RGS20: variants seen among roughly 807,000 people sequenced by gnomAD.
RGS20 encodes the protein gz-selective GTPase-activating protein.
A neutral mutation model predicts 33.6 loss-of-function variants in RGS20; 30 were observed. The observed-to-expected ratio is 0.89, with a 90% CI of 0.67 to 1.21. RGS20 has a LOEUF of 1.21. Among genes scored for constraint, RGS20 ranks in the 50% most tolerant of loss-of-function variants. RGS20 has a pLI of 0.00. For missense variants in RGS20, 472 were observed against 502.4 expected (o/e 0.94, Z 0.58); for synonymous variants, 208 against 197.9 (o/e 1.05, Z -0.43).
intron 2 of RGS20, among the ~76,000 whole-genome samples, chr8:53,898,294 G>C (rs1812923029): frequency 6.6e-6 from 1 of 152,150 alleles, no homozygotes; most frequent in African/African-American, 2.4e-5. Flanking sequence ...CCAGACCACT[G>C]TCCTGGTATT....
intron 1 of RGS20, among the ~76,000 whole-genome samples, chr8:53,858,400 C>T (rs991585220): frequency 6.6e-6 from 1 of 151,612 alleles, no homozygotes; most frequent in Non-Finnish European, 1.5e-5. Flanking sequence ...CAGTAAGGCC[C>T]GCAGGAGAGG....
intron 2 of RGS20, among the ~76,000 whole-genome samples, chr8:53,934,757 G>C (rs1814081563): frequency 6.6e-6 from 1 of 152,158 alleles, no homozygotes; most frequent in South Asian, 2.1e-4. Flanking sequence ...GGACCAAGCA[G>C]ACCTAATAGA....
intron 5 of RGS20, among the ~76,000 whole-genome samples, chr8:53,957,254 G>T (rs1489516372): frequency 6.6e-6 from 1 of 152,194 alleles, no homozygotes; most frequent in Non-Finnish European, 1.5e-5. Context: ...GGCCTCCCGA[G>T]TAGCTGGGAT....
At chr8:53,918,398 C>CTTTTTTTTTT (rs370307599) in intron 2 of RGS20, among the ~76,000 whole-genome samples, 6,782 of 149,380 alleles carry the variant, frequency 0.045, 591 homozygotes, top group African/African-American at 0.16. Context: ...TTCTTTCTTC[C>CTTTTTTTTTT]TTTTTTTGAG....
At chr8:53,918,148 A>G (rs1042496037) in intron 2 of RGS20, among the ~76,000 whole-genome samples, 6 of 152,164 alleles carry the variant, frequency 3.9e-5, no homozygotes, top group African/African-American at 1.4e-4. Context: ...AGTTCTTAGC[A>G]CAGTCACAAA....
chr8:53,944,703 A>C (rs2129291157), intron 3 of RGS20, among the ~76,000 whole-genome samples: 1 of 152,284 alleles, frequency 6.6e-6, no homozygotes, highest in East Asian at 1.9e-4. Context: ...GAAGGATATA[A>C]AATTATCATT....
chr8:53,935,254 A>G (rs186305953), intron 2 of RGS20, among the ~76,000 whole-genome samples: 1 of 152,322 alleles, frequency 6.6e-6, no homozygotes, highest in East Asian at 1.9e-4. Flanking sequence ...ACAGATAACT[A>G]AGATCAGAGC....
intron 4 of RGS20, among the ~76,000 whole-genome samples, chr8:53,947,162 A>C (rs973943255): frequency 3.4e-5 from 5 of 146,584 alleles, no homozygotes; most frequent in African/African-American, 7.4e-5. Flanking sequence ...ATATATATTT[A>C]TACACTCTAT....
intron 2 of RGS20, among the ~76,000 whole-genome samples, chr8:53,916,750 CG>C (rs1813494906): frequency 6.6e-6 from 1 of 152,066 alleles, no homozygotes; most frequent in Non-Finnish European, 1.5e-5. Context: ...TTCCATAGGC[CG>C]GGTGGCTCAA....
chr8:53,917,819 T>A (rs1472393889), intron 2 of RGS20, among the ~76,000 whole-genome samples: 1 of 152,146 alleles, frequency 6.6e-6, no homozygotes, highest in Non-Finnish European at 1.5e-5. Flanking sequence ...TGTGCAGCCA[T>A]CATCATAATC....
At chr8:53,913,657 A>C (rs1053144844) in intron 2 of RGS20, 1 of 152,256 alleles carries the variant, frequency 6.6e-6, no homozygotes, top group African/African-American at 2.4e-5. Context: ...CAAAGAAGAC[A>C]GAGATTGGGT....
chr8:53,883,924 C>A (rs1252317276), intron 2 of RGS20, among the ~76,000 whole-genome samples: 3 of 147,680 alleles, frequency 2.0e-5, no homozygotes, highest in African/African-American at 7.6e-5. Context: ...CCAGCCTGGG[C>A]AACAAGAGCA....
At position 53,879,315 on chromosome 8, in the gene RGS20, CT is replaced by C. The variant is rs774197333; in HGVS notation, c.226del (p.Ser76LeufsTer72). 2 of 1,613,530 alleles carry C rather than the reference CT, an allele frequency of 1.2e-6. No individual in the cohort carries two copies. Among genetic ancestry groups the C allele is most frequent in the South Asian group, 2.2e-5 (2 of 91,088 alleles). Reference sequence around the variant, plus strand: ...CGCCGCCCCGAAGCTGTTCGGCCTCCTTTCTAGCCCGCTTTCCAGCCTCGCA... The same window carrying C: ...CGCCGCCCCGAAGCTGTTCGGCCTCCTTCTAGCCCGCTTTCCAGCCTCGCA... On this transcript the variant is annotated frameshift_variant, in exon 2 of 6. Coordinates refer to ENST00000297313, the MANE Select transcript of RGS20 (RefSeq NM_170587.4). LOFTEE classifies it high-confidence loss of function.
At chr8:53,898,307 G>GGGTA (rs367977665) in intron 2 of RGS20, among the ~76,000 whole-genome samples, 150 of 152,260 alleles carry the variant, frequency 9.9e-4, no homozygotes, top group African/African-American at 3.4e-3. Context: ...CTGGTATTGA[G>GGGTA]GGTACTCAGA....
At chr8:53,893,049 A>G (rs1173329943) in intron 2 of RGS20, among the ~76,000 whole-genome samples, 1 of 152,218 alleles carries the variant, frequency 6.6e-6, no homozygotes, top group Non-Finnish European at 1.5e-5. Context: ...AGTCACTCTC[A>G]GTAAAATCCA....
At chr8:53,871,160 C>T (rs1298818239) in intron 1 of RGS20, among the ~76,000 whole-genome samples, 1 of 150,188 alleles carries the variant, frequency 6.7e-6, no homozygotes, top group Non-Finnish European at 1.5e-5. Context: ...ATATGTTTTC[C>T]CCTTTCCCCA....
rs1427919858 is a variant in RGS20 at position 53,951,269 on chromosome 8, G to C, written c.744-2807G>C. On this transcript the variant is annotated intron_variant, in intron 4 of 5. Transcript: ENST00000297313. ...GGAGACCAAGGATGGGGGAAAGCTT[G>C]AGTCCAGGAGTTTGAGACCAGCCTG... 2.1e-4 allele frequency among the ~76,000 whole-genome samples: 32 copies of C among 152,118 alleles called. 1 individual carries two copies. The highest frequency in any genetic ancestry group is 2.1e-3 in the Admixed American group (32 of 15,262).
chr8:53,858,056 C>G (rs939203377), intron 1 of RGS20, among the ~76,000 whole-genome samples: 1 of 152,122 alleles, frequency 6.6e-6, no homozygotes, highest in Admixed American at 6.5e-5. Context: ...AATAGTGTTT[C>G]ATCTTGTCAT....
intron 2 of RGS20, among the ~76,000 whole-genome samples, chr8:53,886,645 G>T (rs943028389): frequency 2.0e-5 from 3 of 152,340 alleles, no homozygotes; most frequent in East Asian, 3.9e-4. Flanking sequence ...GTGCTGGGTT[G>T]TACGATGTGC....
Sources: allele counts gnomAD v4.1 joint callset (sites outside exome capture counted in the v4.1 genomes callset), GRCh38; gene constraint gnomAD v4.1.1; transcripts MANE v1.5; gene names NCBI Gene and HGNC (gene_info 2026-07-23, HGNC 2026-07-21).